The following UBL3 variants were observed in gnomAD, a reference collection of about 807,000 sequenced individuals.
UBL3 encodes ubiquitin-like protein 3.
In UBL3, 6 loss-of-function variants were observed where a neutral mutation model predicts 18.4. The observed-to-expected ratio is 0.33, with a 90% CI of 0.18 to 0.64. The LOEUF is 0.64. UBL3 is among the 30% of genes least tolerant of loss of function. The probability of loss-of-function intolerance (pLI) is 0.76; values close to 1 mark genes in which losing one functional copy is unlikely to be tolerated. For synonymous variants in UBL3, 49 were observed against 46.6 expected (o/e 1.05, Z -0.21); for missense variants, 109 against 142.9 (o/e 0.76, Z 1.21).
chr13:29,841,338 T>C (rs999994807), intron 1 of UBL3, among the ~76,000 whole-genome samples: 1 of 151,828 alleles, frequency 6.6e-6, no homozygotes, highest in South Asian at 2.1e-4. Context: ...TGCCCCGAAA[T>C]CACTAAATCC....
chr13:29,777,179 G>T lies in UBL3; in HGVS notation c.112C>A (p.His38Asn). ...PNDSASDIAK[H>N]VYDNWPMDWE... is the part of the protein sequence containing the mutation. Reference sequence around the variant, plus strand: ...CCCATTGGCCAATTGTCATATACATGCTTTGCAATGTCAGAAGCAGAATCG... The same window carrying T: ...CCCATTGGCCAATTGTCATATACATTCTTTGCAATGTCAGAAGCAGAATCG... Residue 38 changes from histidine (H) to asparagine (N), a missense_variant, in exon 2 of 5, where the codon CAT becomes AAT. His to Asn is a moderately conservative substitution (Grantham distance 68, BLOSUM62 1). Coordinates refer to ENST00000380680, the MANE Select transcript of UBL3 (RefSeq NM_007106.4). The T allele has an allele frequency of 6.2e-7, 1 of 1,606,146 alleles. No homozygotes were observed. Among genetic ancestry groups the T allele is most frequent in the Non-Finnish European group, 8.5e-7 (1 of 1,176,088 alleles).
intron 1 of UBL3, among the ~76,000 whole-genome samples, chr13:29,789,783 T>C (rs1003038663): frequency 3.1e-4 from 47 of 152,266 alleles, no homozygotes; most frequent in African/African-American, 1.1e-3. Context: ...TCCTATGACA[T>C]AGCATTGTTA....
At chr13:29,773,653 C>T (rs1050226015) in intron 2 of UBL3, among the ~76,000 whole-genome samples, 9 of 152,066 alleles carry the variant, frequency 5.9e-5, no homozygotes, top group South Asian at 2.1e-4. Flanking sequence ...ATGATTTCCA[C>T]GTACTTCACT....
chr13:29,783,463 A>T (rs1877231066), intron 1 of UBL3, among the ~76,000 whole-genome samples: 1 of 152,202 alleles, frequency 6.6e-6, no homozygotes, highest in Non-Finnish European at 1.5e-5. Flanking sequence ...TTAGGACTGT[A>T]AGAAAGATGG....
chr13:29,848,348 T>C (rs1305814791), intron 1 of UBL3, among the ~76,000 whole-genome samples: 1 of 149,296 alleles, frequency 6.7e-6, no homozygotes, highest in East Asian at 2.0e-4. Context: ...TCCCAGTTAC[T>C]TGGGAGGCTG....
At chr13:29,835,173 T>A (rs1176758414) in intron 1 of UBL3, among the ~76,000 whole-genome samples, 16 of 69,904 alleles carry the variant, frequency 2.3e-4, no homozygotes, top group Non-Finnish European at 4.4e-4. Flanking sequence ...TATATATATA[T>A]ATATATATAT....
Position 29,850,318 on chromosome 13 carries a change from C to A in UBL3, c.-780G>T. 6.5e-6 allele frequency: 1 copy of A among 153,776 alleles called. No homozygotes were observed. The highest frequency in any genetic ancestry group is 1.8e-4 in the South Asian group (1 of 5,668). The allele number at this position is 153,776 out of a possible 1,614,324, so 9.5% of individuals were successfully genotyped here. On this transcript the variant is annotated 5_prime_UTR_variant, in exon 1 of 5. Coordinates refer to ENST00000380680, the MANE Select transcript of UBL3 (RefSeq NM_007106.4). ...AGCAGCTGGGGTCGGGGCGCATCGT[C>A]TCCGGCTCCTCGCCACTCCTCTTCT...
chr13:29,800,249 G>T (rs1199012586), intron 1 of UBL3, among the ~76,000 whole-genome samples: 1 of 152,144 alleles, frequency 6.6e-6, no homozygotes, highest in African/African-American at 2.4e-5. Context: ...TTGCTCTGCT[G>T]AAAATATGAC....
chr13:29,767,782 T>G, intron 3 of UBL3, 87 bp from the exon 4 acceptor site: 1 of 1,236,860 alleles, frequency 8.1e-7, no homozygotes, highest in Non-Finnish European at 1.1e-6. Flanking sequence ...TAAAAATTGA[T>G]TGCTTTTTTA....
At chr13:29,773,311 C>A (rs1028487430) in intron 2 of UBL3, among the ~76,000 whole-genome samples, 1 of 152,090 alleles carries the variant, frequency 6.6e-6, no homozygotes, top group African/African-American at 2.4e-5. Flanking sequence ...TTCCTGCCCC[C>A]GCTCCATGCC....
intron 1 of UBL3, among the ~76,000 whole-genome samples, chr13:29,795,092 G>A (rs1877574534): frequency 6.6e-6 from 1 of 152,186 alleles, no homozygotes; most frequent in South Asian, 2.1e-4. Context: ...GCTCATGAAT[G>A]GAGTTAGTGA....
At chr13:29,829,070 T>C (rs1366532246) in intron 1 of UBL3, among the ~76,000 whole-genome samples, 1 of 152,130 alleles carries the variant, frequency 6.6e-6, no homozygotes. Flanking sequence ...CCCTGTGAGG[T>C]GTCAGTCTGC....
intron 1 of UBL3, among the ~76,000 whole-genome samples, chr13:29,815,893 T>C (rs890471501): frequency 2.0e-5 from 3 of 152,204 alleles, no homozygotes; most frequent in African/African-American, 4.8e-5. Flanking sequence ...GAATAATCTA[T>C]ACATTTCTGA....
intron 3 of UBL3, 59 bp downstream of exon 3, chr13:29,772,053 C>T (rs925831793): frequency 1.1e-5 from 15 of 1,420,238 alleles, no homozygotes; most frequent in Admixed American, 2.0e-5. Context: ...ACATTTAAAA[C>T]AAGCGAATCA....
intron 3 of UBL3, among the ~76,000 whole-genome samples, chr13:29,770,277 C>T (rs528688589): frequency 2.6e-5 from 4 of 152,012 alleles, no homozygotes; most frequent in Admixed American, 6.6e-5. Context: ...TCCAAACTTG[C>T]TCAAACATCC....
At chr13:29,780,673 A>G (rs1877130668) in intron 1 of UBL3, among the ~76,000 whole-genome samples, 1 of 152,010 alleles carries the variant, frequency 6.6e-6, no homozygotes, top group Non-Finnish European at 1.5e-5. Context: ...TTTACTAATA[A>G]GGTTGAGAAA....
intron 1 of UBL3, among the ~76,000 whole-genome samples, chr13:29,838,617 T>G (rs1436537481): frequency 6.6e-6 from 1 of 152,134 alleles, no homozygotes. Context: ...CATTGTAATC[T>G]CTATGCTAAC....
chr13:29,780,390 ATGTGTG>A (rs1555232308), intron 1 of UBL3, among the ~76,000 whole-genome samples: 5 of 92,168 alleles, frequency 5.4e-5, no homozygotes, highest in East Asian at 3.0e-4. Context: ...ATATATATAT[ATGTGTG>A]TGTGTGTGTG....
Position 29,822,949 on chromosome 13 carries a change from A to C in UBL3, c.27+26563T>G, listed in dbSNP as rs185115159. On this transcript the variant is annotated intron_variant, in intron 1 of 4. Transcript: ENST00000380680. ...CAAACACAAACACACACATCACATC[A>C]CACATAAAAAATGTGGAGCGTAGAG... Among the ~76,000 whole-genome samples, 3 of 152,284 alleles carry C rather than the reference A, an allele frequency of 2.0e-5. No individual in the cohort carries two copies. In the East Asian group the frequency reaches 5.8e-4, roughly 29 times the overall value.
Sources: gnomAD v4.1 joint callset for allele counts (sites outside exome capture counted in the v4.1 genomes callset) on GRCh38, gnomAD v4.1.1 for gene constraint, MANE v1.5 for transcripts, NCBI Gene and HGNC (gene_info 2026-07-23, HGNC 2026-07-21) for gene names.